Variants in MCU observed in about 807,000 individuals in gnomAD.
The protein encoded by MCU is calcium uniporter protein, mitochondrial.
MCU carries 12 observed loss-of-function variants against 45.2 expected under a neutral mutation model. The ratio of observed to expected loss-of-function variants is 0.27; its 90% CI spans 0.17 to 0.43. The LOEUF (loss-of-function observed/expected upper bound fraction) is 0.43, where lower values mean the gene tolerates loss of function less well. Among genes scored for constraint, MCU ranks in the 20% least tolerant of loss-of-function variants. MCU has a pLI of 1.00. For synonymous variants in MCU, 160 were observed against 165.1 expected, an observed-to-expected ratio of 0.97 and a Z score of 0.24; for missense variants, 324 against 436.7, an observed-to-expected ratio of 0.74 and a Z score of 2.30.
intron 1 of MCU, among the ~76,000 whole-genome samples, chr10:72,701,550 G>A (rs1328129041): frequency 2.0e-5 from 3 of 151,888 alleles, no homozygotes; most frequent in Non-Finnish European, 2.9e-5. Context: ...GTTTTGAGAC[G>A]GAGTCTTACT....
chr10:72,710,912 T>C (rs1001850881), intron 1 of MCU, among the ~76,000 whole-genome samples: 11 of 152,144 alleles, frequency 7.2e-5, no homozygotes, highest in African/African-American at 2.7e-4. Context: ...GCGCAGTGGC[T>C]CATGCCTGTA....
chr10:72,827,143 A>G (rs776753444), intron 1 of MCU, among the ~76,000 whole-genome samples: 1 of 152,152 alleles, frequency 6.6e-6, no homozygotes, highest in Non-Finnish European at 1.5e-5. Flanking sequence ...GTTCCCATGG[A>G]GTTTACATTC....
At chr10:72,707,152 A>G (rs999243400) in intron 1 of MCU, among the ~76,000 whole-genome samples, 77 of 151,412 alleles carry the variant, frequency 5.1e-4, no homozygotes, top group African/African-American at 1.7e-3. Flanking sequence ...CTTCTCTACC[A>G]GAAGAGAGAT....
intron 1 of MCU, among the ~76,000 whole-genome samples, chr10:72,790,777 A>G (rs1306571665): frequency 6.6e-6 from 1 of 152,212 alleles, no homozygotes; most frequent in East Asian, 1.9e-4. Flanking sequence ...CTTTGATTGC[A>G]GAAGTTCTTT....
At chr10:72,692,443 C>T in intron 1 of MCU, 142 bp downstream of exon 1, 1 of 764,770 alleles carries the variant, frequency 1.3e-6, no homozygotes, top group Non-Finnish European at 1.6e-6. Flanking sequence ...CGAGGAGCCG[C>T]CGTGCCCTTC....
intron 1 of MCU, among the ~76,000 whole-genome samples, chr10:72,797,295 C>T (rs1308961940): frequency 6.6e-6 from 1 of 150,486 alleles, no homozygotes; most frequent in Non-Finnish European, 1.5e-5. Flanking sequence ...GTGATTTTGG[C>T]TCACTGCAAC....
intron 2 of MCU, among the ~76,000 whole-genome samples, chr10:72,849,003 G>A (rs149427910): frequency 3.0e-3 from 451 of 152,052 alleles, no homozygotes; most frequent in Middle Eastern, 0.014. Context: ...TGAAAGGGCC[G>A]GGGTTGGTGG....
chr10:72,788,740 G>A (rs1048806262), intron 1 of MCU, among the ~76,000 whole-genome samples: 6 of 152,236 alleles, frequency 3.9e-5, no homozygotes, highest in Non-Finnish European at 7.3e-5. Flanking sequence ...GATGGCTACA[G>A]GAAAATGTCT....
chr10:72,745,888 T>A (rs1398522676), intron 1 of MCU, among the ~76,000 whole-genome samples: 3 of 152,188 alleles, frequency 2.0e-5, no homozygotes, highest in Non-Finnish European at 2.9e-5. Flanking sequence ...TTAATAATTT[T>A]GACGTGTATA....
chr10:72,785,120 A>C (rs1391977985), intron 1 of MCU, among the ~76,000 whole-genome samples: 1 of 152,146 alleles, frequency 6.6e-6, no homozygotes, highest in African/African-American at 2.4e-5. Context: ...TAGCACGAGA[A>C]TCTCCCACAT....
intron 4 of MCU, among the ~76,000 whole-genome samples, chr10:72,865,774 T>G (rs1242649368): frequency 2.7e-5 from 4 of 149,980 alleles, no homozygotes; most frequent in African/African-American, 7.4e-5. Context: ...TTTTTTTTTT[T>G]GTTTTTTTTT....
At chr10:72,805,163 C>CTTTCTTTCTTTCTTTCTTTCTG (rs1187966928) in intron 1 of MCU, among the ~76,000 whole-genome samples, 7 of 134,736 alleles carry the variant, frequency 5.2e-5, no homozygotes, top group Admixed American at 5.2e-4. Flanking sequence ...TTCTTTCTGT[C>CTTTCTTTCTTTCTTTCTTTCTG]TCTCTCTCTC....
intron 1 of MCU, among the ~76,000 whole-genome samples, chr10:72,727,007 G>C (rs1843110822): frequency 6.6e-6 from 1 of 152,182 alleles, no homozygotes; most frequent in Admixed American, 6.5e-5. Flanking sequence ...GGTAAATTGA[G>C]TTGAGACAAA....
chr10:72,728,791 TTA>T (rs1161974778), intron 1 of MCU, among the ~76,000 whole-genome samples: 9 of 152,288 alleles, frequency 5.9e-5, no homozygotes, highest in African/African-American at 1.9e-4. Context: ...AGGGATGAAA[TTA>T]TATGTATATG....
At chr10:72,835,173 A>T (rs979494498) in intron 2 of MCU, among the ~76,000 whole-genome samples, 3 of 152,136 alleles carry the variant, frequency 2.0e-5, no homozygotes, top group Non-Finnish European at 2.9e-5. Context: ...CTCTTCTTTG[A>T]TGTGGGAAGG....
Position 72,804,059 on chromosome 10 carries a change from TATATATATATATATAA to T in MCU, c.151-30298_151-30283del, listed in dbSNP as rs1461778592. Among the ~76,000 whole-genome samples, 202 of 73,776 alleles carry T rather than the reference TATATATATATATATAA, an allele frequency of 2.7e-3. 2 individuals are homozygous for T. The highest frequency in any genetic ancestry group is 0.013 in the African/African-American group (187 of 14,030). The allele number at this position is 73,776 out of a possible 152,430, so 48.4% of individuals were successfully genotyped here. On this transcript the variant is annotated intron_variant, in intron 1 of 7. Transcript: ENST00000373053. ...ATATATATATATATATATATATATA[TATATATATATATATAA>T]AATAAGAGTGCCAACAATTTACATT...
At chr10:72,704,201 C>A (rs1842791579) in intron 1 of MCU, among the ~76,000 whole-genome samples, 1 of 151,858 alleles carries the variant, frequency 6.6e-6, no homozygotes, top group Non-Finnish European at 1.5e-5. Flanking sequence ...CTCACTGGAC[C>A]AAGGAAAAGA....
rs1843576140 is a variant in MCU, at chr10:72,756,320, C to A, written c.150+64019C>A. 3 of 152,232 alleles carry A rather than the reference C, an allele frequency of 2.0e-5. No homozygotes were observed. The East Asian group carries it at 5.8e-4, about 29-fold the overall frequency. The allele number at this position is 152,232 out of a possible 1,614,324, so 9.4% of individuals were successfully genotyped here. On this transcript the variant is annotated intron_variant, in intron 1 of 7. Transcript: ENST00000373053. ...GAGGTTTACATGGCCGTATGGTATT[C>A]TCTTTCTTTTTTGGAAACAATACTA...
At chr10:72,807,145 A>T (rs1392496277) in intron 1 of MCU, among the ~76,000 whole-genome samples, 1 of 152,172 alleles carries the variant, frequency 6.6e-6, no homozygotes, top group East Asian at 1.9e-4. Flanking sequence ...TTCATTTATT[A>T]TGTGGAAATT....
Sources: allele counts gnomAD v4.1 joint callset (sites outside exome capture counted in the v4.1 genomes callset), GRCh38; gene constraint gnomAD v4.1.1; transcripts MANE v1.5; gene names NCBI Gene and HGNC (gene_info 2026-07-23, HGNC 2026-07-21).